Variants in PFDN2 observed in about 807,000 individuals in gnomAD.
The protein encoded by PFDN2 is prefoldin 2.
A neutral mutation model predicts 18.3 loss-of-function variants in PFDN2; 7 were observed. The observed-to-expected ratio is 0.38, with a 90% confidence interval of 0.22 to 0.72. The LOEUF (loss-of-function observed/expected upper bound fraction) is 0.72. PFDN2 is among the 30% of genes least tolerant of loss of function. The pLI is 0.47. For synonymous variants in PFDN2, 76 were observed against 75.0 expected (o/e 1.01, Z -0.07); for missense variants, 181 against 199.1 (o/e 0.91, Z 0.55).
At chr1:161,103,513 C>T (rs1407722950) in intron 1 of PFDN2, among the ~76,000 whole-genome samples, 3 of 151,378 alleles carry the variant, frequency 2.0e-5, no homozygotes, top group Admixed American at 6.6e-5. Flanking sequence ...CATGGTGAAA[C>T]CCCATCTCTA....
chr1:161,102,021 C>T (rs774438632), intron 3 of PFDN2, 27 bp downstream of exon 3: 53 of 1,613,328 alleles, frequency 3.3e-5, no homozygotes, highest in South Asian at 2.0e-4. Context: ...CCACTGTACC[C>T]GATCCTATTC....
intron 1 of PFDN2, among the ~76,000 whole-genome samples, chr1:161,109,172 C>T (rs770510623): frequency 7.2e-5 from 11 of 152,168 alleles, no homozygotes; most frequent in Non-Finnish European, 1.5e-4. Flanking sequence ...CTGGTAGTTT[C>T]CCTTAACAGC....
Position 161,102,054 on chromosome 1 carries a change from C to T in PFDN2, c.282G>A (p.Lys94=). The T allele has an allele frequency of 6.2e-7, 1 of 1,614,206 alleles. No individual in the cohort carries two copies. The highest frequency in any genetic ancestry group is 8.5e-7 in the Non-Finnish European group (1 of 1,180,038). Residue 94 remains lysine, a synonymous_variant, in exon 3 of 4, where the codon AAG becomes AAA. Transcript: ENST00000368010. ...KEVLPALENN[K]EQIQKIIETL... is the part of the protein sequence containing the mutation. ...TTCAATGATTCTTGCTCACCTGCTCCTTGTTGTTCTCCAAAGCGGGCAGCA... is the reference window on the plus strand; with the variant it reads ...TTCAATGATTCTTGCTCACCTGCTCTTTGTTGTTCTCCAAAGCGGGCAGCA...
chr1:161,117,942 C>A lies in PFDN2; in HGVS notation c.75+10G>T. On this transcript the variant is annotated intron_variant, in intron 1 of 3. Coordinates refer to ENST00000368010, the MANE Select transcript of PFDN2 (RefSeq NM_012394.4). ...GGTGGGTACCCTGCTTCGCGTTAGC[C>A]ACTCCTCACCTGCTCTGCGGACACC... 1 of 1,605,838 alleles carries A rather than the reference C, an allele frequency of 6.2e-7. No homozygotes were observed. Among genetic ancestry groups the A allele is most frequent in the South Asian group, 1.1e-5 (1 of 90,258 alleles).
At chr1:161,111,081 C>T (rs867710635) in intron 1 of PFDN2, among the ~76,000 whole-genome samples, 2 of 151,880 alleles carry the variant, frequency 1.3e-5, no homozygotes, top group Admixed American at 1.3e-4. Context: ...ACCTTGTGAT[C>T]CGCCCGCCTC....
At chr1:161,112,837 A>T (rs1382077728) in intron 1 of PFDN2, among the ~76,000 whole-genome samples, 1 of 152,026 alleles carries the variant, frequency 6.6e-6, no homozygotes, top group Non-Finnish European at 1.5e-5. Flanking sequence ...ATATACTATT[A>T]GGCTTAAAAA....
chr1:161,114,155 G>T (rs1302509968), intron 1 of PFDN2, among the ~76,000 whole-genome samples: 1 of 152,160 alleles, frequency 6.6e-6, no homozygotes, highest in Non-Finnish European at 1.5e-5. Context: ...CTCCAACTCA[G>T]ATTTCTTACT....
intron 1 of PFDN2, among the ~76,000 whole-genome samples, chr1:161,106,316 T>C (rs768588024): frequency 6.6e-6 from 1 of 152,060 alleles, no homozygotes; most frequent in African/African-American, 2.4e-5. Flanking sequence ...CAGTCTCAGG[T>C]AATTATAGCA....
chr1:161,101,996 G>C (rs1400335419), intron 3 of PFDN2, 52 bp downstream of exon 3: 1 of 1,605,462 alleles, frequency 6.2e-7, no homozygotes, highest in East Asian at 2.2e-5. Context: ...GCCTCCCAAA[G>C]TGCTGGGTTT....
At chr1:161,103,683 C>CAAAAAAAAAAAAAAAAAAAAAAAAAAAAA (rs553472563) in intron 1 of PFDN2, among the ~76,000 whole-genome samples, 1 of 74,914 alleles carries the variant, frequency 1.3e-5, no homozygotes, top group Admixed American at 1.6e-4. Context: ...GACTCCGTCT[C>CAAAAAAAAAAAAAAAAAAAAAAAAAAAAA]AAAAAAAAAA....
chr1:161,102,251 A>G (rs1654583416), intron 2 of PFDN2, 36 bp downstream of exon 2: 3 of 1,610,696 alleles, frequency 1.9e-6, no homozygotes, highest in Middle Eastern at 1.6e-4. Context: ...AGCCCACACA[A>G]CTGTCCTACT....
At chr1:161,102,463 G>A (rs1654587536) in intron 1 of PFDN2, 88 bp from the exon 2 acceptor site, 3 of 955,966 alleles carry the variant, frequency 3.1e-6, no homozygotes, top group Non-Finnish European at 5.0e-6. Flanking sequence ...CTTTACAAAG[G>A]TGCAGTAGTG....
intron 1 of PFDN2, 51 bp from the exon 2 acceptor site, chr1:161,102,426 G>T: frequency 7.1e-7 from 1 of 1,402,166 alleles, no homozygotes; most frequent in Non-Finnish European, 1.0e-6. Context: ...AATGGCAGAG[G>T]GTCCAGATAG....
Position 161,100,764 on chromosome 1 carries a change from T to C in PFDN2, c.384A>G (p.Gly128=), listed in dbSNP as rs1230927600. 4.9e-5 allele frequency: 79 copies of C among 1,613,908 alleles called. No individual in the cohort carries two copies. The highest frequency in any genetic ancestry group is 6.7e-5 in the Non-Finnish European group (79 of 1,179,736). The change falls in exon 4 of 4, where the codon GGA becomes GGG. Residue 128 remains glycine, a synonymous_variant. Transcript: ENST00000368010. ...FREKHNIRLM[G]EDEKPAAKEN... ...CCTTGGCTGCTGGCTTCTCATCTTC[T>C]CCCATGAGACGAATGTTGTGCTTTT...
At chr1:161,101,638 T>C (rs1225567163) in intron 3 of PFDN2, among the ~76,000 whole-genome samples, 1 of 152,204 alleles carries the variant, frequency 6.6e-6, no homozygotes, top group Non-Finnish European at 1.5e-5. Context: ...GAAACATTAC[T>C]CTAACCCCAA....
chr1:161,106,972 C>A (rs1654689765), intron 1 of PFDN2, among the ~76,000 whole-genome samples: 1 of 151,274 alleles, frequency 6.6e-6, no homozygotes, highest in Non-Finnish European at 1.5e-5. Context: ...CTATGCCCGG[C>A]TAATTTCTGT....
At chr1:161,112,239 T>C (rs991648934) in intron 1 of PFDN2, among the ~76,000 whole-genome samples, 1 of 152,212 alleles carries the variant, frequency 6.6e-6, no homozygotes, top group East Asian at 1.9e-4. Context: ...ATCAAGAACT[T>C]AGGACAATAT....
At chr1:161,106,378 A>G (rs1180372082) in intron 1 of PFDN2, among the ~76,000 whole-genome samples, 1 of 152,210 alleles carries the variant, frequency 6.6e-6, no homozygotes, top group Non-Finnish European at 1.5e-5. Context: ...TGTAGACTAT[A>G]TGTAAATAAG....
At chr1:161,110,325 C>T (rs1049612890) in intron 1 of PFDN2, among the ~76,000 whole-genome samples, 2 of 152,102 alleles carry the variant, frequency 1.3e-5, no homozygotes, top group Non-Finnish European at 2.9e-5. Context: ...CACACCACTG[C>T]ACTCCAGCCT....
Sources: gnomAD v4.1 joint callset for allele counts (sites outside exome capture counted in the v4.1 genomes callset) on GRCh38, gnomAD v4.1.1 for gene constraint, MANE v1.5 for transcripts, NCBI Gene and HGNC (gene_info 2026-07-23, HGNC 2026-07-21) for gene names.